CELF2: variants seen among roughly 807,000 people sequenced by gnomAD.
CELF2 encodes the protein CUGBP Elav-like family member 2, also known as CUG triplet repeat RNA-binding protein 2.
In CELF2, 8 loss-of-function variants were observed where a neutral mutation model predicts 62.6. That is an observed-to-expected ratio of 0.13 (90% CI 0.07 to 0.23). The LOEUF (loss-of-function observed/expected upper bound fraction) is 0.23, where lower values mean the gene tolerates loss of function less well. Ranked by LOEUF, CELF2 falls within the 10% of genes least tolerant of loss-of-function variation. The pLI is 1.00. For missense variants in CELF2, 333 were observed against 671.0 expected, an observed-to-expected ratio of 0.50 and a Z score of 5.56; for synonymous variants, 258 against 250.0, an observed-to-expected ratio of 1.03 and a Z score of -0.30.
chr10:10,692,223 A>C, the CELF2 span, among the ~76,000 whole-genome samples: 1 of 150,168 alleles, frequency 6.7e-6, no homozygotes, highest in Admixed American at 6.6e-5. Flanking sequence ...AGCTTTCTAC[A>C]TATGGCTAGC....
At chr10:10,821,492 G>C (rs2056959243) in intron 1 of CELF2, among the ~76,000 whole-genome samples, 2 of 152,162 alleles carry the variant, frequency 1.3e-5, no homozygotes, top group Admixed American at 1.3e-4. Context: ...CTCCTTGGAA[G>C]CCCCCTCCAG....
At chr10:10,632,378 T>C in the CELF2 span, among the ~76,000 whole-genome samples, 3 of 152,100 alleles carry the variant, frequency 2.0e-5, no homozygotes, top group Admixed American at 2.0e-4. Context: ...AGAAGCCTCA[T>C]GTTGTCATTA....
In CELF2 at chr10:11,266,593, C is replaced by T; in HGVS notation, c.539-5C>T. The T allele has an allele frequency of 6.2e-7, 1 of 1,613,292 alleles. No homozygotes were observed. Among genetic ancestry groups the T allele is most frequent in the Non-Finnish European group, 8.5e-7 (1 of 1,179,338 alleles). ...TCCTGCTCCCTGTCCCCTTGTTTCC[C>T]ACAGGCTGTGCGTTTGTCACATTTT... On this transcript the variant is annotated splice_polypyrimidine_tract_variant and splice_region_variant and intron_variant, in intron 5 of 12. Coordinates refer to ENST00000633077, the MANE Select transcript of CELF2 (RefSeq NM_001326342.2).
At chr10:11,080,042 T>A (rs2073555242) in intron 1 of CELF2, among the ~76,000 whole-genome samples, 1 of 152,220 alleles carries the variant, frequency 6.6e-6, no homozygotes, top group Non-Finnish European at 1.5e-5. Context: ...GTTTTAGCCA[T>A]ATTTATGAGA....
chr10:10,697,617 A>G, the CELF2 span, among the ~76,000 whole-genome samples: 1 of 152,222 alleles, frequency 6.6e-6, no homozygotes, highest in South Asian at 2.1e-4. Flanking sequence ...AACCTCTTTC[A>G]GGTTGCAGAC....
chr10:10,933,446 G>A (rs1296884267), intron 2 of CELF2, among the ~76,000 whole-genome samples: 1 of 152,138 alleles, frequency 6.6e-6, no homozygotes, highest in Non-Finnish European at 1.5e-5. Context: ...TGTTGTGAGA[G>A]CATTTAAAAT....
the CELF2 span, among the ~76,000 whole-genome samples, chr10:10,474,126 G>T: frequency 1.3e-5 from 2 of 151,906 alleles, no homozygotes; most frequent in Non-Finnish European, 2.9e-5. Flanking sequence ...TAGTATCCAA[G>T]GGCAAAAGGA....
intron 1 of CELF2, among the ~76,000 whole-genome samples, chr10:10,833,390 T>C (rs879889002): frequency 2.6e-5 from 4 of 152,192 alleles, no homozygotes; most frequent in Admixed American, 2.6e-4. Flanking sequence ...GAACTCCTTT[T>C]CCGTAGCACA....
chr10:10,866,810 C>T (rs1462886107), intron 1 of CELF2, among the ~76,000 whole-genome samples: 1 of 149,136 alleles, frequency 6.7e-6, no homozygotes, highest in Non-Finnish European at 1.5e-5. Flanking sequence ...ATCCCAGCTA[C>T]CCGGGAGGCT....
At chr10:11,059,265 T>C (rs1157507194) in intron 1 of CELF2, among the ~76,000 whole-genome samples, 3 of 152,186 alleles carry the variant, frequency 2.0e-5, no homozygotes, top group African/African-American at 7.2e-5. Context: ...AATCCCTGGC[T>C]TTTTGACTTG....
chr10:10,526,824 C>T, the CELF2 span, among the ~76,000 whole-genome samples: 5 of 152,202 alleles, frequency 3.3e-5, no homozygotes, highest in Non-Finnish European at 7.3e-5. Context: ...TTCTACAGAA[C>T]GTTGTTCCTT....
rs2095286465 is a variant in CELF2 at position 11,319,289 on chromosome 10, T to A, written c.1097-1900T>A. On this transcript the variant is annotated intron_variant, in intron 10 of 12. Transcript: ENST00000633077. The surrounding 1 kb of genome is among the most constrained non-coding windows in gnomAD (Gnocchi z 4.4). ...TTATTGTACATACCCCTCTCACCTA[T>A]CTCAAAAAACACGGAAGTTCCTTTG... 2.8e-6 allele frequency: 1 copy of A among 356,964 alleles called. No individual in the cohort carries two copies. The highest frequency in any genetic ancestry group is 3.9e-5 in the Admixed American group (1 of 25,756). 22.1% of individuals were successfully genotyped at this position (356,964 alleles called of 1,614,324 possible).
intron 1 of CELF2, among the ~76,000 whole-genome samples, chr10:11,155,608 T>C (rs1482791864): frequency 2.0e-5 from 3 of 152,230 alleles, no homozygotes; most frequent in East Asian, 1.9e-4. Flanking sequence ...TTCACAAATA[T>C]TGGAGTTTGA....
the CELF2 span, among the ~76,000 whole-genome samples, chr10:10,555,980 T>A: frequency 6.6e-6 from 1 of 152,180 alleles, no homozygotes; most frequent in Non-Finnish European, 1.5e-5. Flanking sequence ...CCTATGTGTA[T>A]ATATAATACT....
At chr10:10,870,547 C>G (rs1298314938) in intron 1 of CELF2, among the ~76,000 whole-genome samples, 1 of 152,088 alleles carries the variant, frequency 6.6e-6, no homozygotes, top group African/African-American at 2.4e-5. Context: ...AGGAAGTCAG[C>G]CCTCTGAGAC....
At chr10:10,920,376 T>C (rs1262888202) in intron 2 of CELF2, among the ~76,000 whole-genome samples, 1 of 152,210 alleles carries the variant, frequency 6.6e-6, no homozygotes. Context: ...ATGTATTCAG[T>C]ATTCTTACTG....
At chr10:10,881,443 G>A (rs1270446184) in intron 1 of CELF2, among the ~76,000 whole-genome samples, 1 of 152,060 alleles carries the variant, frequency 6.6e-6, no homozygotes, top group African/African-American at 2.4e-5. Context: ...TGGCTAGGGA[G>A]ACCAGCTGTT....
chr10:10,855,276 G>T (rs938775291), intron 1 of CELF2, among the ~76,000 whole-genome samples: 1 of 152,168 alleles, frequency 6.6e-6, no homozygotes, highest in African/African-American at 2.4e-5. Flanking sequence ...GGTGCTTCTG[G>T]CATTCCCCTC....
chr10:10,943,393 C>T (rs925032060), intron 2 of CELF2, among the ~76,000 whole-genome samples: 1 of 152,142 alleles, frequency 6.6e-6, no homozygotes, highest in African/African-American at 2.4e-5. Context: ...CATGTGGACC[C>T]AAGAGCTACA....
Sources: gnomAD v4.1 joint callset for allele counts (sites outside exome capture counted in the v4.1 genomes callset) on GRCh38, gnomAD v4.1.1 for gene constraint, Gnocchi (gnomAD v3.1) non-coding constraint, MANE v1.5 for transcripts, NCBI Gene and HGNC (gene_info 2026-07-23, HGNC 2026-07-21) for gene names.